LEPR: variants seen among roughly 807,000 people sequenced by gnomAD.
LEPR encodes OB receptor.
A neutral mutation model predicts 114.7 loss-of-function variants in LEPR; 56 were observed. The observed-to-expected ratio is 0.49, with a 90% CI of 0.39 to 0.61. The LOEUF is 0.61. LEPR is among the 20% of genes least tolerant of loss of function. LEPR has a pLI of 0.00. For synonymous variants in LEPR, 443 were observed against 461.4 expected, an observed-to-expected ratio of 0.96 and a Z score of 0.51; for missense variants, 1,202 against 1,352.9, an observed-to-expected ratio of 0.89 and a Z score of 1.75.
rs142427810 is a variant in LEPR, at chr1:65,454,232, A to G, written c.-21+28854A>G. Among the ~76,000 whole-genome samples the G allele has an allele frequency of 5.4e-3, 821 of 152,266 alleles. 12 individuals carry two copies. The highest frequency in any genetic ancestry group is 0.019 in the African/African-American group (792 of 41,536). On this transcript the variant is annotated intron_variant, in intron 2 of 19. Transcript: ENST00000349533. ...GCACACTGATGGGTCTTGACTCCGT[A>G]TCCAATTTGCCAGTCTGTGTCTTTT...
chr1:65,625,644 A>C (rs2101022972), intron 19 of LEPR, among the ~76,000 whole-genome samples: 1 of 152,266 alleles, frequency 6.6e-6, no homozygotes, highest in South Asian at 2.1e-4. Flanking sequence ...AACCTGGCTT[A>C]GTGTATCCGT....
chr1:65,636,464 T>G lies in LEPR; in HGVS notation c.2947T>G (p.Phe983Val), dbSNP rs2101047144. 6.2e-7 allele frequency: 1 copy of G among 1,614,084 alleles called. No individual in the cohort carries two copies. The highest frequency in any genetic ancestry group is 8.5e-7 in the Non-Finnish European group (1 of 1,180,002). ...TGAGGACGAAAGCCAGAGACAACCC[T>G]TTGTTAAATACGCCACGCTGATCAG... ...TYEDESQRQPFVKYATLISNS... is the reference protein window; with the variant it reads ...TYEDESQRQPVVKYATLISNS... The change falls in exon 20 of 20, where the codon TTT (phenylalanine) becomes GTT (valine). Residue 983 changes from phenylalanine to valine, a missense_variant. Phe to Val is a conservative substitution (Grantham distance 50). Transcript: ENST00000349533.
chr1:65,563,527 A>T, intron 2 of LEPR, among the ~76,000 whole-genome samples: 3 of 43,950 alleles, frequency 6.8e-5, no homozygotes, highest in Non-Finnish European at 1.0e-4. Flanking sequence ...GAGTAATTTG[A>T]TCGTCTGAAG....
chr1:65,547,773 A>T (rs1467049075), intron 2 of LEPR, among the ~76,000 whole-genome samples: 3 of 118,958 alleles, frequency 2.5e-5, no homozygotes, highest in Non-Finnish European at 5.5e-5. Flanking sequence ...TGGATTCATT[A>T]ATTTTTTGAA....
intron 2 of LEPR, chr1:65,432,118 T>A (rs1253935196): frequency 7.1e-6 from 9 of 1,268,612 alleles, no homozygotes; most frequent in Middle Eastern, 3.0e-4. Context: ...ATTTAGATTA[T>A]GTTACTCAAA....
intron 2 of LEPR, chr1:65,434,771 G>T (rs960086466): frequency 5.1e-5 from 50 of 985,370 alleles, no homozygotes; most frequent in Non-Finnish European, 6.0e-5. Flanking sequence ...TCCCAACTGA[G>T]AACCTTCCCA....
intron 2 of LEPR, among the ~76,000 whole-genome samples, chr1:65,454,799 C>G (rs975160780): frequency 6.6e-6 from 1 of 152,106 alleles, no homozygotes; most frequent in Non-Finnish European, 1.5e-5. Context: ...TTGTGGCGTT[C>G]TCTGTATTTC....
intron 2 of LEPR, chr1:65,525,972 A>C: frequency 4.0e-6 from 3 of 752,076 alleles, no homozygotes; most frequent in Non-Finnish European, 4.9e-6. Context: ...GGACCACCAG[A>C]GGGGCCAGCG....
chr1:65,626,677 C>T (rs1658235385), intron 19 of LEPR, among the ~76,000 whole-genome samples: 1 of 152,186 alleles, frequency 6.6e-6, no homozygotes, highest in Admixed American at 6.5e-5. Context: ...GGGTCTCGCT[C>T]TGTCACCCAG....
intron 2 of LEPR, among the ~76,000 whole-genome samples, chr1:65,477,361 T>A (rs1647171156): frequency 6.6e-6 from 1 of 152,222 alleles, no homozygotes; most frequent in East Asian, 1.9e-4. Flanking sequence ...CACTTCAGTA[T>A]CTACAGTCGT....
intron 14 of LEPR, among the ~76,000 whole-genome samples, chr1:65,615,073 C>T (rs562793932): frequency 6.6e-6 from 1 of 151,954 alleles, no homozygotes; most frequent in Admixed American, 6.6e-5. Flanking sequence ...TGAAACATTT[C>T]TTTCTTGCGG....
chr1:65,573,735 AG>A (rs1654374789), intron 5 of LEPR, among the ~76,000 whole-genome samples: 1 of 152,206 alleles, frequency 6.6e-6, no homozygotes. Context: ...AGAGACAGAA[AG>A]TAAAGCGGGG....
At chr1:65,583,815 T>C (rs1655148868) in intron 5 of LEPR, among the ~76,000 whole-genome samples, 1 of 150,132 alleles carries the variant, frequency 6.7e-6, no homozygotes, top group African/African-American at 2.4e-5. Flanking sequence ...GATGATAGAA[T>C]TGGTAGACAA....
At chr1:65,452,281 G>A (rs1341199969) in intron 2 of LEPR, among the ~76,000 whole-genome samples, 12 of 151,206 alleles carry the variant, frequency 7.9e-5, no homozygotes, top group African/African-American at 2.9e-4. Context: ...TCCTTCTCCT[G>A]CCTAATTGCC....
At chr1:65,636,123 G>T (rs1307931631) in intron 19 of LEPR, 68 bp from the exon 20 acceptor site, 1 of 1,548,676 alleles carries the variant, frequency 6.5e-7, no homozygotes, top group East Asian at 2.2e-5. Context: ...TTCCATTTCT[G>T]CCAGTATGAC....
Position 65,633,297 on chromosome 1 carries a change from A to C in LEPR, c.2674-2894A>C. Reference sequence around the variant, plus strand: ...AAAAAAATTCAGTTGAACTTCTGAGAGTTAACATATGGTGGATTATGTTGA... The same window carrying C: ...AAAAAAATTCAGTTGAACTTCTGAGCGTTAACATATGGTGGATTATGTTGA... On this transcript the variant is annotated intron_variant, in intron 19 of 19. Transcript: ENST00000349533. This position sits in a 1 kb window ranked among gnomAD's most constrained non-coding sequence, Gnocchi z 4.1. 2 of 1,508,298 alleles carry C rather than the reference A, an allele frequency of 1.3e-6. No homozygotes were observed. The highest frequency in any genetic ancestry group is 1.8e-6 in the Non-Finnish European group (2 of 1,132,748). The allele number at this position is 1,508,298 out of a possible 1,614,324, so 93.4% of individuals were successfully genotyped here. A position where few individuals can be genotyped will look rare whatever the true frequency, so the allele number is the denominator to read the frequency against.
chr1:65,529,598 C>T (rs1252289712), intron 2 of LEPR, among the ~76,000 whole-genome samples: 1 of 151,600 alleles, frequency 6.6e-6, no homozygotes, highest in Non-Finnish European at 1.5e-5. Context: ...TCCCTGTCTC[C>T]AATTATTCTC....
intron 5 of LEPR, among the ~76,000 whole-genome samples, chr1:65,591,416 A>G (rs1341051655): frequency 6.6e-6 from 1 of 152,124 alleles, no homozygotes; most frequent in African/African-American, 2.4e-5. Context: ...TACATCAATG[A>G]TGAAATGAAA....
intron 10 of LEPR, 79 bp from the exon 11 acceptor site, chr1:65,604,959 C>G (rs1224249933): frequency 1.3e-5 from 21 of 1,569,886 alleles, no homozygotes; most frequent in African/African-American, 1.4e-5. Context: ...CTGTTTTAAA[C>G]AACAAATCAG....
Sources: gnomAD v4.1 joint callset for allele counts (sites outside exome capture counted in the v4.1 genomes callset) on GRCh38, gnomAD v4.1.1 for gene constraint, Gnocchi (gnomAD v3.1) non-coding constraint, MANE v1.5 for transcripts, NCBI Gene and HGNC (gene_info 2026-07-23, HGNC 2026-07-21) for gene names.